DHRS7B: variants seen among roughly 807,000 people sequenced by gnomAD.
The protein encoded by DHRS7B is peroxisomal reductase activating PPAR-gamma.
In DHRS7B, 24 loss-of-function variants were observed where a neutral mutation model predicts 26.4. That is an observed-to-expected ratio of 0.91 (90% confidence interval 0.66 to 1.28). The LOEUF (loss-of-function observed/expected upper bound fraction) is 1.28. Ranked by LOEUF, DHRS7B falls within the 50% of genes most tolerant of loss-of-function variation. DHRS7B has a pLI of 0.00. For missense variants in DHRS7B, 368 were observed against 419.4 expected (o/e 0.88, Z 1.07); for synonymous variants, 142 against 166.4 (o/e 0.85, Z 1.13).
chr17:21,156,796 C>G (rs935706865), intron 1 of DHRS7B, among the ~76,000 whole-genome samples: 3 of 151,598 alleles, frequency 2.0e-5, no homozygotes, highest in African/African-American at 7.3e-5. Flanking sequence ...ACCTGTCATC[C>G]CAGCTATTCG....
At chr17:21,134,328 G>C (rs1973298239) in intron 1 of DHRS7B, among the ~76,000 whole-genome samples, 1 of 152,120 alleles carries the variant, frequency 6.6e-6, no homozygotes, top group African/African-American at 2.4e-5. Flanking sequence ...GATGGAACTT[G>C]TTCCATAGGA....
At chr17:21,136,760 T>C (rs908446277) in intron 1 of DHRS7B, among the ~76,000 whole-genome samples, 5 of 151,858 alleles carry the variant, frequency 3.3e-5, no homozygotes, top group African/African-American at 1.2e-4. Flanking sequence ...TTCACCATGT[T>C]AGCCAGACTG....
At chr17:21,149,810 A>C (rs1306133974) in intron 1 of DHRS7B, among the ~76,000 whole-genome samples, 1 of 152,192 alleles carries the variant, frequency 6.6e-6, no homozygotes, top group Non-Finnish European at 1.5e-5. Flanking sequence ...AAAACATTCT[A>C]CCAGAGAAAA....
chr17:21,171,980 T>G (rs1226358732), intron 1 of DHRS7B, 38 bp from the exon 2 acceptor site: 4 of 1,613,698 alleles, frequency 2.5e-6, no homozygotes, highest in Admixed American at 3.3e-5. Context: ...TGAACTCTGC[T>G]ACTTTGTCAC....
chr17:21,176,570 C>T (rs1223497240), intron 2 of DHRS7B, among the ~76,000 whole-genome samples: 1 of 151,936 alleles, frequency 6.6e-6, no homozygotes, highest in Non-Finnish European at 1.5e-5. Context: ...CACTGCACTC[C>T]AGCCTGAGCA....
At chr17:21,145,768 A>G (rs964022981) in intron 1 of DHRS7B, among the ~76,000 whole-genome samples, 3 of 152,228 alleles carry the variant, frequency 2.0e-5, no homozygotes, top group Non-Finnish European at 2.9e-5. Context: ...TTTATCTGAG[A>G]TGATTTTGCT....
chr17:21,191,225 C>G lies in DHRS7B; in HGVS notation c.*72C>G. 1.4e-6 allele frequency: 2 copies of G among 1,476,758 alleles called. No individual in the cohort carries two copies. The highest frequency in any genetic ancestry group is 9.4e-7 in the Non-Finnish European group (1 of 1,068,248). 91.5% of individuals were successfully genotyped at this position (1,476,758 alleles called of 1,614,324 possible). On this transcript the variant is annotated 3_prime_UTR_variant, in exon 7 of 7. Transcript: ENST00000395511. Reference sequence around the variant, plus strand: ...TTGCTTACTCTACAAGGGACAGTTGCATTTGTTGAGACTTTAATGGAGATT... The same window carrying G: ...TTGCTTACTCTACAAGGGACAGTTGGATTTGTTGAGACTTTAATGGAGATT...
intron 1 of DHRS7B, among the ~76,000 whole-genome samples, chr17:21,138,886 TTATC>T (rs1260000693): frequency 6.6e-6 from 1 of 152,206 alleles, no homozygotes; most frequent in Non-Finnish European, 1.5e-5. Flanking sequence ...TATGACCAGT[TTATC>T]TACAGGTATT....
chr17:21,191,118 A>G lies in DHRS7B; in HGVS notation c.943A>G (p.Arg315Gly). The change falls in exon 7 of 7, where the codon AGG becomes GGG. Residue 315 changes from arginine (R) to glycine (G), a missense_variant. Transcript: ENST00000395511. The stretch of plus-strand genomic sequence containing the variant: ...GCTCTTCTTCAGCCTCATGGCCTCC[A>G]GGGCCAGAAAAGAGCGGAAATCCAA... The part of the protein sequence containing the change: ...PGLFFSLMAS[R>G]ARKERKSKNS The G allele has an allele frequency of 6.2e-7, 1 of 1,613,982 alleles. No individual in the cohort carries two copies. Among genetic ancestry groups the G allele is most frequent in the African/African-American group, 1.3e-5 (1 of 75,064 alleles).
intron 1 of DHRS7B, among the ~76,000 whole-genome samples, chr17:21,140,812 A>G (rs1414061682): frequency 1.3e-5 from 2 of 152,210 alleles, no homozygotes; most frequent in African/African-American, 2.4e-5. Flanking sequence ...TGGCAAGTAG[A>G]GGTGCCATAA....
intron 1 of DHRS7B, among the ~76,000 whole-genome samples, chr17:21,147,781 G>T (rs886287236): frequency 2.6e-5 from 4 of 152,184 alleles, no homozygotes; most frequent in African/African-American, 9.6e-5. Context: ...AAAGGTGGGA[G>T]GCAGGTCTGC....
At chr17:21,190,580 G>A (rs1348233974) in intron 6 of DHRS7B, among the ~76,000 whole-genome samples, 1 of 152,240 alleles carries the variant, frequency 6.6e-6, no homozygotes, top group East Asian at 1.9e-4. Context: ...CTGCTTTTCA[G>A]GTGCGGTGTG....
chr17:21,189,076 T>C (rs1239507429), intron 6 of DHRS7B, among the ~76,000 whole-genome samples: 1 of 152,182 alleles, frequency 6.6e-6, no homozygotes, highest in African/African-American at 2.4e-5. Flanking sequence ...AACGTCACCA[T>C]TGCAGCATTC....
intron 1 of DHRS7B, among the ~76,000 whole-genome samples, chr17:21,169,677 C>G (rs1024543157): frequency 1.3e-5 from 2 of 152,160 alleles, no homozygotes; most frequent in Non-Finnish European, 2.9e-5. Context: ...GGCTCTTGAC[C>G]CCCATGACCT....
chr17:21,149,230 C>A (rs1335844024), intron 1 of DHRS7B, among the ~76,000 whole-genome samples: 1 of 151,486 alleles, frequency 6.6e-6, no homozygotes, highest in East Asian at 1.9e-4. Flanking sequence ...AAAAAAAAAA[C>A]CTGCCATTCA....
chr17:21,162,890 G>A (rs1872527430), intron 1 of DHRS7B, among the ~76,000 whole-genome samples: 1 of 152,058 alleles, frequency 6.6e-6, no homozygotes, highest in African/African-American at 2.4e-5. Flanking sequence ...GAACATGCTT[G>A]GTACCATTTA....
In DHRS7B at chr17:21,184,372, A is replaced by T; in HGVS notation, c.528A>T (p.Ala176=). Residue 176 remains alanine, a splice_region_variant and synonymous_variant, in exon 5 of 7, where the codon GCA becomes GCT. Coordinates refer to ENST00000395511, the MANE Select transcript of DHRS7B (RefSeq NM_015510.5). ...CTAAGCCTCTGCATCTGTCCTCAGC[A>T]CTCCTGCCCTCCATGATCAAGAGGA... The part of the protein sequence containing the change: ...NYFGPVALTK[A]LLPSMIKRRQ... 6.2e-7 allele frequency: 1 copy of T among 1,613,516 alleles called. No homozygotes were observed. The highest frequency in any genetic ancestry group is 1.1e-5 in the South Asian group (1 of 90,986).
At chr17:21,165,822 A>T (rs1275910029) in intron 1 of DHRS7B, among the ~76,000 whole-genome samples, 3 of 151,080 alleles carry the variant, frequency 2.0e-5, no homozygotes, top group Non-Finnish European at 4.4e-5. Flanking sequence ...AGGCTGAGGC[A>T]GAAGAATTAC....
intron 1 of DHRS7B, among the ~76,000 whole-genome samples, chr17:21,140,538 A>ACACCC (rs972677956): frequency 6.7e-5 from 9 of 134,852 alleles, no homozygotes; most frequent in South Asian, 2.4e-4. Context: ...ACACACACAC[A>ACACCC]CCCTGACACC....
Sources: gnomAD v4.1 joint callset for allele counts (sites outside exome capture counted in the v4.1 genomes callset) on GRCh38, gnomAD v4.1.1 for gene constraint, MANE v1.5 for transcripts, NCBI Gene and HGNC (gene_info 2026-07-23, HGNC 2026-07-21) for gene names.